The following PIAS1 variants were observed in gnomAD, a reference collection of about 807,000 sequenced individuals.
PIAS1 encodes protein inhibitor of activated STAT 1.
In PIAS1, 6 loss-of-function variants were observed where a neutral mutation model predicts 71.3. The ratio of observed to expected loss-of-function variants is 0.08; its 90% CI spans 0.05 to 0.17. The LOEUF (loss-of-function observed/expected upper bound fraction) is 0.17, where lower values mean the gene tolerates loss of function less well. Ranked by LOEUF, PIAS1 falls within the 10% of genes least tolerant of loss-of-function variation. The probability of loss-of-function intolerance (pLI) is 1.00; values close to 1 mark genes in which losing one functional copy is unlikely to be tolerated. For synonymous variants in PIAS1, 303 were observed against 292.9 expected (o/e 1.03, Z -0.35); for missense variants, 555 against 793.6 (o/e 0.70, Z 3.61).
At chr15:68,135,023 T>C (rs1212659684) in intron 2 of PIAS1, among the ~76,000 whole-genome samples, 13 of 35,180 alleles carry the variant, frequency 3.7e-4, no homozygotes, top group East Asian at 1.6e-3. Flanking sequence ...GAGGGGCTCC[T>C]CACTTCCCAG....
At chr15:68,180,386 C>A (rs946731106) in intron 11 of PIAS1, among the ~76,000 whole-genome samples, 1 of 152,112 alleles carries the variant, frequency 6.6e-6, no homozygotes, top group East Asian at 1.9e-4. Context: ...AATGAGCCAC[C>A]ATGCCTGGCC....
intron 2 of PIAS1, among the ~76,000 whole-genome samples, chr15:68,095,912 C>T (rs1323403325): frequency 2.0e-5 from 3 of 152,132 alleles, no homozygotes; most frequent in South Asian, 2.1e-4. Context: ...AATTCTTTGG[C>T]ACTACTCTTG....
At position 68,186,587 on chromosome 15, in the gene PIAS1, A is replaced by G. The variant is rs574042584; in HGVS notation, c.1663-955A>G. 1.1e-4 allele frequency among the ~76,000 whole-genome samples: 17 copies of G among 152,276 alleles called. No homozygotes were observed. The highest frequency in any genetic ancestry group is 1.8e-4 in the Non-Finnish European group (12 of 68,056). On this transcript the variant is annotated intron_variant, in intron 13 of 13. Coordinates refer to ENST00000249636, the MANE Select transcript of PIAS1 (RefSeq NM_016166.3). This position sits in a 1 kb window ranked among gnomAD's most constrained non-coding sequence, Gnocchi z 4.4. The stretch of plus-strand genomic sequence containing the variant: ...GTGTTTATAAAGTCTACAGTAGTGT[A>G]CAATAATGTCCTAAGCCTCACATTC...
chr15:68,077,210 A>G (rs967076379), intron 1 of PIAS1, among the ~76,000 whole-genome samples: 4 of 152,224 alleles, frequency 2.6e-5, no homozygotes. Flanking sequence ...CTCTTGTCCA[A>G]ATAAAACAAA....
In PIAS1 at chr15:68,178,238, C is replaced by T. The variant is rs2093032217; in HGVS notation, c.1481+1584C>T. Among the ~76,000 whole-genome samples the T allele has an allele frequency of 6.6e-6, 1 of 152,076 alleles. No homozygotes were observed. The highest frequency in any genetic ancestry group is 1.5e-5 in the Non-Finnish European group (1 of 68,014). On this transcript the variant is annotated intron_variant, in intron 11 of 13. Coordinates refer to ENST00000249636, the MANE Select transcript of PIAS1 (RefSeq NM_016166.3). The surrounding 1 kb of genome is among the most constrained non-coding windows in gnomAD (Gnocchi z 4.2). ...TGAGCTAAGATCGTGCCACTGCACT[C>T]CAACCTGGGTGACAGAATGAGACCC...
chr15:68,107,325 C>CATTA (rs920785937), intron 2 of PIAS1, among the ~76,000 whole-genome samples: 1 of 152,202 alleles, frequency 6.6e-6, no homozygotes, highest in African/African-American at 2.4e-5. Context: ...TCACCTCACT[C>CATTA]TAATGAGTCC....
intron 2 of PIAS1, among the ~76,000 whole-genome samples, chr15:68,119,536 C>T (rs2092596493): frequency 6.6e-6 from 1 of 151,924 alleles, no homozygotes; most frequent in Non-Finnish European, 1.5e-5. Flanking sequence ...GGACAGTATA[C>T]TTTGTATGAC....
chr15:68,059,424 A>G (rs562513209), intron 1 of PIAS1, among the ~76,000 whole-genome samples: 13 of 152,194 alleles, frequency 8.5e-5, no homozygotes, highest in African/African-American at 2.6e-4. Flanking sequence ...TTAGAAAGCA[A>G]TGCAGGACCG....
At chr15:68,177,970 T>C (rs1223489771) in intron 11 of PIAS1, among the ~76,000 whole-genome samples, 1 of 152,234 alleles carries the variant, frequency 6.6e-6, no homozygotes, top group Non-Finnish European at 1.5e-5. Flanking sequence ...AGTCCATAGA[T>C]GGCATTGTTA....
rs181448711 is a variant in PIAS1, at chr15:68,059,528, A to G, written c.24+5178A>G. Among the ~76,000 whole-genome samples, 342 of 151,454 alleles carry G rather than the reference A, an allele frequency of 2.3e-3. 4 individuals are homozygous for G. The highest frequency in any genetic ancestry group is 7.9e-3 in the African/African-American group (327 of 41,284). ...AGTTGAAGACCAGCCTGACCAAGAT[A>G]GTGAAACCCCGTCTCTACTAAAAAT... On this transcript the variant is annotated intron_variant, in intron 1 of 13. Coordinates refer to ENST00000249636, the MANE Select transcript of PIAS1 (RefSeq NM_016166.3).
chr15:68,115,792 T>C (rs1206411547), intron 2 of PIAS1, among the ~76,000 whole-genome samples: 1 of 152,184 alleles, frequency 6.6e-6, no homozygotes, highest in Non-Finnish European at 1.5e-5. Flanking sequence ...TCTATTGAGC[T>C]GTTAATATGG....
chr15:68,102,337 A>G (rs2092434321), intron 2 of PIAS1, among the ~76,000 whole-genome samples: 1 of 152,178 alleles, frequency 6.6e-6, no homozygotes, highest in Admixed American at 6.5e-5. Flanking sequence ...TCCCACCATT[A>G]CCACATGGTC....
intron 2 of PIAS1, among the ~76,000 whole-genome samples, chr15:68,095,852 A>T (rs2092370728): frequency 6.6e-6 from 1 of 152,092 alleles, no homozygotes; most frequent in South Asian, 2.1e-4. Context: ...TTCATTCCTG[A>T]CAGTGCTTGC....
rs763228251 is a variant in PIAS1, at chr15:68,054,326, G to A, written c.-1G>A. 5.1e-6 allele frequency: 8 copies of A among 1,573,750 alleles called. No homozygotes were observed. The highest frequency in any genetic ancestry group is 6.0e-6 in the Non-Finnish European group (7 of 1,160,334). ...ACTGCGCTTGCGCTGACAGACGCAA[G>A]ATGGCGGACAGTGCGGAACTAAAGG... On this transcript the variant is annotated 5_prime_UTR_variant, in exon 1 of 14. Coordinates refer to ENST00000249636, the MANE Select transcript of PIAS1 (RefSeq NM_016166.3). This position sits in a 1 kb window ranked among gnomAD's most constrained non-coding sequence, Gnocchi z 4.6.
intron 1 of PIAS1, among the ~76,000 whole-genome samples, chr15:68,058,249 G>C (rs953707216): frequency 1.3e-4 from 20 of 152,204 alleles, no homozygotes; most frequent in Non-Finnish European, 2.5e-4. Context: ...GGTGTTTTCT[G>C]AAGTGTTTGA....
chr15:68,125,198 A>G (rs1204712201), intron 2 of PIAS1, among the ~76,000 whole-genome samples: 1 of 151,854 alleles, frequency 6.6e-6, no homozygotes, highest in African/African-American at 2.4e-5. Context: ...TTCATTGCCA[A>G]AATTTTTTTG....
chr15:68,069,825 AATTAC>A (rs953932649), intron 1 of PIAS1, among the ~76,000 whole-genome samples: 19 of 150,022 alleles, frequency 1.3e-4, no homozygotes, highest in Admixed American at 4.0e-4. Context: ...AAAAAAAAGA[AATTAC>A]ATTCTAGTAC....
rs1466684778 is a variant in PIAS1 at position 68,173,538 on chromosome 15, C to A, written c.1009-194C>A. Reference sequence around the variant, plus strand: ...TTCCATAGTCATTTTGTTTGATAGCCAAAGAAATACTGTCATTTTTTAACC... The same window carrying A: ...TTCCATAGTCATTTTGTTTGATAGCAAAAGAAATACTGTCATTTTTTAACC... On this transcript the variant is annotated intron_variant, in intron 8 of 13. Coordinates refer to ENST00000249636, the MANE Select transcript of PIAS1 (RefSeq NM_016166.3). This position sits in a 1 kb window ranked among gnomAD's most constrained non-coding sequence, Gnocchi z 4.3. Among the ~76,000 whole-genome samples the A allele has an allele frequency of 6.6e-6, 1 of 152,082 alleles. No individual in the cohort carries two copies. Among genetic ancestry groups the A allele is most frequent in the Non-Finnish European group, 1.5e-5 (1 of 68,002 alleles).
chr15:68,120,131 G>A (rs1284096118), intron 2 of PIAS1, among the ~76,000 whole-genome samples: 2 of 152,084 alleles, frequency 1.3e-5, no homozygotes, highest in African/African-American at 2.4e-5. Flanking sequence ...TTTGGTCATG[G>A]TATATCTTAT....
Sources: gnomAD v4.1 joint callset for allele counts (sites outside exome capture counted in the v4.1 genomes callset) on GRCh38, gnomAD v4.1.1 for gene constraint, Gnocchi (gnomAD v3.1) non-coding constraint, MANE v1.5 for transcripts, NCBI Gene and HGNC (gene_info 2026-07-23, HGNC 2026-07-21) for gene names.